DYM: variants seen among roughly 807,000 people sequenced by gnomAD.
DYM encodes dyggve-Melchior-Clausen syndrome protein.
In DYM, 78 loss-of-function variants were observed where a neutral mutation model predicts 93.1. That is an observed-to-expected ratio of 0.84 (90% CI 0.70 to 1.01). The LOEUF (loss-of-function observed/expected upper bound fraction) is 1.01. Among genes scored for constraint, DYM ranks in the 50% least tolerant of loss-of-function variants. The pLI is 0.00. For missense variants in DYM, 789 were observed against 845.0 expected (o/e 0.93, Z 0.82); for synonymous variants, 321 against 319.7 (o/e 1.00, Z -0.04).
intron 17 of DYM, among the ~76,000 whole-genome samples, chr18:49,056,942 A>G (rs1222333138): frequency 1.3e-5 from 2 of 152,192 alleles, no homozygotes; most frequent in Non-Finnish European, 2.9e-5. Flanking sequence ...TCTGTTGCCC[A>G]TCTCAGCCTC....
chr18:49,211,450 G>A (rs2092780953), intron 13 of DYM, among the ~76,000 whole-genome samples: 1 of 152,170 alleles, frequency 6.6e-6, no homozygotes, highest in Non-Finnish European at 1.5e-5. Context: ...ATTAGTCCTT[G>A]AGAATCATGT....
At chr18:49,342,971 C>T (rs767429115) in intron 6 of DYM, among the ~76,000 whole-genome samples, 4 of 152,126 alleles carry the variant, frequency 2.6e-5, no homozygotes, top group African/African-American at 4.8e-5. Context: ...TAACTGTATA[C>T]ACAATGAAGC....
intron 15 of DYM, among the ~76,000 whole-genome samples, chr18:49,147,417 G>A (rs1469493473): frequency 3.9e-5 from 6 of 152,102 alleles, no homozygotes; most frequent in African/African-American, 4.8e-5. Flanking sequence ...GCAACCTAGA[G>A]AATGGGAGAA....
At position 49,173,393 on chromosome 18, in the gene DYM, G is replaced by A. The variant is rs573532076; in HGVS notation, c.1626-9606C>T. Reference sequence around the variant, plus strand: ...TGTTCAACGTATAGATCAATTTCAGGATCTTAACAATACTAAGTCTCTAAT... The same window carrying A: ...TGTTCAACGTATAGATCAATTTCAGAATCTTAACAATACTAAGTCTCTAAT... On this transcript the variant is annotated intron_variant, in intron 14 of 17. Coordinates refer to ENST00000675505, the MANE Select transcript of DYM (RefSeq NM_001353214.3). Among the ~76,000 whole-genome samples, 6 of 152,106 alleles carry A rather than the reference G, an allele frequency of 3.9e-5. No individual in the cohort carries two copies. The East Asian group carries it at 1.2e-3, about 29-fold the overall frequency.
Position 49,379,646 on chromosome 18 carries a change from G to A in DYM, c.287+19C>T, listed in dbSNP as rs766243303. 1 of 1,578,996 alleles carries A rather than the reference G, an allele frequency of 6.3e-7. No homozygotes were observed. The highest frequency in any genetic ancestry group is 1.3e-5 in the African/African-American group (1 of 74,116). On this transcript the variant is annotated intron_variant, in intron 4 of 17. Coordinates refer to ENST00000675505, the MANE Select transcript of DYM (RefSeq NM_001353214.3). ...CATTGTTAAATATAAAGCAAACATG[G>A]TTTAATTAGCCAGCTTACTTCTGAC...
intron 17 of DYM, among the ~76,000 whole-genome samples, chr18:49,068,750 G>A (rs183308120): frequency 4.6e-5 from 7 of 152,222 alleles, no homozygotes; most frequent in Admixed American, 4.6e-4. Context: ...ATAAAAGAGT[G>A]GAAATCTAAA....
intron 9 of DYM, among the ~76,000 whole-genome samples, chr18:49,283,903 A>T (rs1373934386): frequency 2.0e-5 from 3 of 152,164 alleles, no homozygotes; most frequent in African/African-American, 7.2e-5. Flanking sequence ...TTTTCCTTCC[A>T]CATTTGAAAT....
At chr18:49,242,319 C>A (rs544033060) in intron 13 of DYM, among the ~76,000 whole-genome samples, 1 of 152,228 alleles carries the variant, frequency 6.6e-6, no homozygotes, top group East Asian at 1.9e-4. Context: ...GAGGCTGAGG[C>A]ATGAAGATCG....
intron 17 of DYM, among the ~76,000 whole-genome samples, chr18:49,065,716 G>GA (rs537536891): frequency 6.6e-6 from 1 of 150,796 alleles, no homozygotes; most frequent in South Asian, 2.1e-4. Flanking sequence ...ATTATTCACT[G>GA]AAAAAAAATT....
chr18:49,243,412 A>G (rs2094081536), intron 13 of DYM, among the ~76,000 whole-genome samples: 1 of 152,140 alleles, frequency 6.6e-6, no homozygotes, highest in Admixed American at 6.5e-5. Flanking sequence ...CGCTTGTAAT[A>G]TGAGCACTTT....
chr18:49,310,150 A>G (rs2061503955), intron 8 of DYM, among the ~76,000 whole-genome samples: 1 of 152,248 alleles, frequency 6.6e-6, no homozygotes, highest in Non-Finnish European at 1.5e-5. Context: ...AAGTGATTAA[A>G]AAGAAAATCT....
At chr18:49,162,289 A>T (rs2087246143) in intron 15 of DYM, among the ~76,000 whole-genome samples, 1 of 152,180 alleles carries the variant, frequency 6.6e-6, no homozygotes, top group Non-Finnish European at 1.5e-5. Flanking sequence ...TTATAAAGAA[A>T]AAGGAATTTA....
intron 6 of DYM, among the ~76,000 whole-genome samples, chr18:49,360,939 G>A (rs1326776556): frequency 6.6e-6 from 1 of 152,178 alleles, no homozygotes; most frequent in African/African-American, 2.4e-5. Context: ...GACAGCCCAA[G>A]CATTGCCTCC....
intron 2 of DYM, among the ~76,000 whole-genome samples, chr18:49,420,871 G>A (rs759064278): frequency 3.3e-5 from 5 of 152,196 alleles, no homozygotes; most frequent in South Asian, 2.1e-4. Flanking sequence ...TATATCCCAC[G>A]CCTGGCTCGG....
intron 8 of DYM, among the ~76,000 whole-genome samples, chr18:49,303,020 C>T (rs1364315279): frequency 6.6e-6 from 1 of 152,200 alleles, no homozygotes; most frequent in African/African-American, 2.4e-5. Context: ...AGTCTAGCTC[C>T]AAATTATCTT....
Position 49,435,423 on chromosome 18 carries a change from TAAAAA to T in DYM, c.-53-4981_-53-4977del, listed in dbSNP as rs58887917. Among the ~76,000 whole-genome samples, 893 of 124,742 alleles carry T rather than the reference TAAAAA, an allele frequency of 7.2e-3. 10 individuals carry two copies. Among genetic ancestry groups the T allele is most frequent in the African/African-American group, 0.025 (836 of 33,692 alleles). The allele number at this position is 124,742 out of a possible 152,430, so 81.8% of individuals were successfully genotyped here. A position where few individuals can be genotyped will look rare whatever the true frequency, so the allele number is the denominator to read the frequency against. ...AACTCTAGGGTAAACACTAAAACAG[TAAAAA>T]AAAAAAAAAAAAAAGTATAATTGAA... On this transcript the variant is annotated intron_variant, in intron 1 of 17. Coordinates refer to ENST00000675505, the MANE Select transcript of DYM (RefSeq NM_001353214.3).
At chr18:49,312,896 G>A (rs904623927) in intron 8 of DYM, among the ~76,000 whole-genome samples, 1 of 152,168 alleles carries the variant, frequency 6.6e-6, no homozygotes, top group African/African-American at 2.4e-5. Context: ...CACAGATTTA[G>A]GTACCTCTAA....
chr18:49,056,123 G>A (rs1362960477), intron 17 of DYM, among the ~76,000 whole-genome samples: 1 of 152,144 alleles, frequency 6.6e-6, no homozygotes, highest in African/African-American at 2.4e-5. Context: ...TGTCTCTTCA[G>A]CTGTCACCCT....
At chr18:49,124,311 T>G (rs1163800250) in intron 15 of DYM, among the ~76,000 whole-genome samples, 1 of 151,840 alleles carries the variant, frequency 6.6e-6, no homozygotes, top group African/African-American at 2.4e-5. Flanking sequence ...CAAAAGCAGT[T>G]TGGGCAACTG....
Sources: gnomAD v4.1 joint callset for allele counts (sites outside exome capture counted in the v4.1 genomes callset) on GRCh38, gnomAD v4.1.1 for gene constraint, MANE v1.5 for transcripts, NCBI Gene and HGNC (gene_info 2026-07-23, HGNC 2026-07-21) for gene names.